Variants in STK32C observed in about 807,000 individuals in gnomAD.
The protein encoded by STK32C is serine/threonine kinase 32C.
A neutral mutation model predicts 56.5 loss-of-function variants in STK32C; 31 were observed. That is an observed-to-expected ratio of 0.55 (90% CI 0.41 to 0.74). STK32C has a LOEUF of 0.74. STK32C is among the 30% of genes least tolerant of loss of function. The pLI is 0.00. For missense variants in STK32C, 544 were observed against 676.9 expected (o/e 0.80, Z 2.18); for synonymous variants, 309 against 289.4 (o/e 1.07, Z -0.69).
intron 1 of STK32C, among the ~76,000 whole-genome samples, chr10:132,262,648 C>T (rs1372212282): frequency 1.3e-5 from 2 of 151,400 alleles, no homozygotes; most frequent in East Asian, 3.9e-4. Context: ...CACAGTGGCT[C>T]ACGCCTGTAA....
intron 1 of STK32C, among the ~76,000 whole-genome samples, chr10:132,266,326 G>T (rs1032693045): frequency 2.6e-5 from 4 of 152,126 alleles, no homozygotes; most frequent in African/African-American, 7.2e-5. Flanking sequence ...GGGTAGGAAG[G>T]GGATGCTTGG....
At chr10:132,317,000 CAAAAAAAAA>C (rs71472739) in intron 1 of STK32C, among the ~76,000 whole-genome samples, 2 of 81,734 alleles carry the variant, frequency 2.4e-5, no homozygotes, top group African/African-American at 5.3e-5. Context: ...GACTCCATCT[CAAAAAAAAA>C]AAAAAAAAAG....
At chr10:132,300,561 C>T (rs979832235) in intron 1 of STK32C, among the ~76,000 whole-genome samples, 4 of 152,260 alleles carry the variant, frequency 2.6e-5, no homozygotes, top group African/African-American at 9.6e-5. Context: ...TCTGATGAAG[C>T]AGGCATACCA....
chr10:132,230,490 G>A (rs1873503), intron 2 of STK32C, among the ~76,000 whole-genome samples: 96,195 of 152,192 alleles, frequency 0.63, 31,836 homozygotes, highest in Non-Finnish European at 0.72. Flanking sequence ...GACGGTCACT[G>A]CAGGCTCAAG....
chr10:132,227,881 G>A (rs879083481), intron 3 of STK32C, 96 bp downstream of exon 3: 29 of 1,475,132 alleles, frequency 2.0e-5, no homozygotes, highest in South Asian at 1.8e-4. Context: ...TCCGAGGCAC[G>A]AGGGCCAAGG....
rs868031526 is a variant in STK32C, at chr10:132,330,459, G to A, written c.301+977C>T. 32 of 717,118 alleles carry A rather than the reference G, an allele frequency of 4.5e-5. No homozygotes were observed. The Middle Eastern group carries it at 1.4e-3, about 31-fold the overall frequency. 44.4% of individuals were successfully genotyped at this position (717,118 alleles called of 1,614,324 possible). A position where few individuals can be genotyped will look rare whatever the true frequency, so the allele number is the denominator to read the frequency against. On this transcript the variant is annotated intron_variant, in intron 1 of 1. Transcript: ENST00000368619. ...GTGGCTGGCCTCCCCACGCTCCTGAGAAGGTACTGGTTGTGCTTTCAGCTT... is the reference window on the plus strand; with the variant it reads ...GTGGCTGGCCTCCCCACGCTCCTGAAAAGGTACTGGTTGTGCTTTCAGCTT...
chr10:132,301,798 C>T (rs768554904), intron 1 of STK32C, among the ~76,000 whole-genome samples: 6 of 152,316 alleles, frequency 3.9e-5, no homozygotes, highest in South Asian at 2.1e-4. Flanking sequence ...GTCCACACCG[C>T]GAGGCGCCCT....
At chr10:132,259,009 C>A (rs1035569845) in intron 1 of STK32C, among the ~76,000 whole-genome samples, 20 of 152,150 alleles carry the variant, frequency 1.3e-4, no homozygotes, top group African/African-American at 1.9e-4. Flanking sequence ...AACACATGAA[C>A]AGGGCTATAG....
downstream of STK32C, among the ~76,000 whole-genome samples, chr10:132,319,920 C>T (rs1451885560): frequency 6.7e-6 from 1 of 149,212 alleles, no homozygotes; most frequent in Non-Finnish European, 1.5e-5. Flanking sequence ...TGGAGTCTCA[C>T]ACTTTCTCCC....
chr10:132,229,042 G>A (rs1483872664), intron 2 of STK32C, among the ~76,000 whole-genome samples: 11 of 152,260 alleles, frequency 7.2e-5, no homozygotes. Context: ...GGTGACGGGT[G>A]AGAAGCATCA....
chr10:132,233,433 C>T (rs576076315), intron 2 of STK32C, among the ~76,000 whole-genome samples: 1 of 152,230 alleles, frequency 6.6e-6, no homozygotes, highest in African/African-American at 2.4e-5. Flanking sequence ...AGGATTCTAA[C>T]GCGGTGAGTG....
intron 10 of STK32C, among the ~76,000 whole-genome samples, chr10:132,222,057 C>G (rs987442056): frequency 1.4e-5 from 2 of 140,244 alleles, no homozygotes; most frequent in Non-Finnish European, 3.1e-5. Context: ...TCCCTGCACA[C>G]ACAACATCAA....
intron 1 of STK32C, among the ~76,000 whole-genome samples, chr10:132,265,132 G>A (rs1247000361): frequency 4.7e-5 from 7 of 149,948 alleles, no homozygotes; most frequent in African/African-American, 2.5e-5. Context: ...GTGCCGCAAG[G>A]GCAGTGAGGT....
intron 2 of STK32C, among the ~76,000 whole-genome samples, chr10:132,243,750 G>GT (rs2137907627): frequency 6.6e-6 from 1 of 152,330 alleles, no homozygotes; most frequent in African/African-American, 2.4e-5. Flanking sequence ...GGCCCTGGTG[G>GT]TAGAGCAGCT....
Position 132,264,378 on chromosome 10 carries a change from C to T in STK32C, c.263-18423G>A, listed in dbSNP as rs151225114. Among the ~76,000 whole-genome samples the T allele has an allele frequency of 4.9e-3, 745 of 152,270 alleles. 10 individuals are homozygous for T. The highest frequency in any genetic ancestry group is 0.017 in the African/African-American group (704 of 41,550). On this transcript the variant is annotated intron_variant, in intron 1 of 11. Coordinates refer to ENST00000298630, the MANE Select transcript of STK32C (RefSeq NM_173575.4). ...GCCATCACATGGTGGGGAAGGTGGTCAGGGCAGAACTGAGCCGCAGGGACC... is the reference window on the plus strand; with the variant it reads ...GCCATCACATGGTGGGGAAGGTGGTTAGGGCAGAACTGAGCCGCAGGGACC...
intron 1 of STK32C, among the ~76,000 whole-genome samples, chr10:132,304,951 G>A (rs1314775392): frequency 2.0e-5 from 3 of 152,178 alleles, no homozygotes; most frequent in Non-Finnish European, 4.4e-5. Context: ...CGAGACGGGC[G>A]AGCGCCCCCC....
chr10:132,304,373 TTGAGCATC>T (rs2065997603), intron 1 of STK32C, among the ~76,000 whole-genome samples: 1 of 152,156 alleles, frequency 6.6e-6, no homozygotes, highest in South Asian at 2.1e-4. Flanking sequence ...GGTGTGGGGC[TTGAGCATC>T]TGCATTTTTT....
At chr10:132,330,411 C>T (rs1486671252) in intron 1 of STK32C, 6 of 716,984 alleles carry the variant, frequency 8.4e-6, no homozygotes, top group Admixed American at 2.0e-5. Flanking sequence ...TGTCACTCCT[C>T]ATTCTCTCCT....
At chr10:132,285,967 G>A (rs540465766) in intron 1 of STK32C, among the ~76,000 whole-genome samples, 3 of 152,022 alleles carry the variant, frequency 2.0e-5, no homozygotes, top group Non-Finnish European at 2.9e-5. Flanking sequence ...TACTAAAAAA[G>A]CACAAAAAAT....
Sources: allele counts gnomAD v4.1 joint callset (sites outside exome capture counted in the v4.1 genomes callset), GRCh38; gene constraint gnomAD v4.1.1; transcripts MANE v1.5; gene names NCBI Gene and HGNC (gene_info 2026-07-23, HGNC 2026-07-21).